BAZ1A: variants seen among roughly 807,000 people sequenced by gnomAD.
BAZ1A encodes the protein bromodomain adjacent to zinc finger domain 1A.
In BAZ1A, 50 loss-of-function variants were observed where a neutral mutation model predicts 185.2. That is an observed-to-expected ratio of 0.27 (90% confidence interval 0.22 to 0.34). The LOEUF is 0.34. BAZ1A is among the 10% of genes least tolerant of loss of function. BAZ1A has a pLI of 1.00. For synonymous variants in BAZ1A, 571 were observed against 615.6 expected, an observed-to-expected ratio of 0.93 and a Z score of 1.07; for missense variants, 1,356 against 1,839.9, an observed-to-expected ratio of 0.74 and a Z score of 4.81.
chr14:34,809,080 T>C (rs1389294078), intron 5 of BAZ1A, among the ~76,000 whole-genome samples: 1 of 152,162 alleles, frequency 6.6e-6, no homozygotes. Flanking sequence ...TTCATTTACA[T>C]TGTATTAGGT....
chr14:34,839,839 CAAA>C lies in BAZ1A; in HGVS notation c.393-13686_393-13684del, dbSNP rs60954768. Among the ~76,000 whole-genome samples, 103 of 106,666 alleles carry C rather than the reference CAAA, an allele frequency of 9.7e-4. 1 individual carries two copies. The highest frequency in any genetic ancestry group is 5.7e-3 in the Middle Eastern group (1 of 174). The allele number at this position is 106,666 out of a possible 152,430, so 70.0% of individuals were successfully genotyped here. A position where few individuals can be genotyped will look rare whatever the true frequency, so the allele number is the denominator to read the frequency against. On this transcript the variant is annotated intron_variant, in intron 3 of 26. Coordinates refer to ENST00000360310, the MANE Select transcript of BAZ1A (RefSeq NM_013448.3). The stretch of plus-strand genomic sequence containing the variant: ...TGGGCGACAAAGCGAGCCTCTGTTT[CAAA>C]AAAAAAAAAAAAAAAGGAAAAATGA...
At chr14:34,793,820 G>A (rs557536757) in intron 11 of BAZ1A, among the ~76,000 whole-genome samples, 16 of 152,336 alleles carry the variant, frequency 1.1e-4, no homozygotes, top group African/African-American at 3.6e-4. Context: ...ATGGGTGCCT[G>A]TAATTGCAGC....
At chr14:34,840,312 G>GT (rs1465510405) in intron 3 of BAZ1A, among the ~76,000 whole-genome samples, 1 of 152,020 alleles carries the variant, frequency 6.6e-6, no homozygotes, top group Non-Finnish European at 1.5e-5. Context: ...AAAAATCCCT[G>GT]TTTTTTCAGA....
At chr14:34,863,534 T>C (rs975813378) in intron 2 of BAZ1A, among the ~76,000 whole-genome samples, 2 of 151,626 alleles carry the variant, frequency 1.3e-5, no homozygotes, top group African/African-American at 4.8e-5. Context: ...TCTCGAACTC[T>C]TGACCTTGTG....
chr14:34,764,693 A>G lies in BAZ1A; in HGVS notation c.3776+14T>C, dbSNP rs1385975655. On this transcript the variant is annotated intron_variant, in intron 23 of 26. Coordinates refer to ENST00000360310, the MANE Select transcript of BAZ1A (RefSeq NM_013448.3). The stretch of plus-strand genomic sequence containing the variant: ...AAGACTTACTGACTCATTTTATTGC[A>G]TGTTAGGACTTACCTGACTTCTTCC... The G allele has an allele frequency of 6.3e-7, 1 of 1,585,218 alleles. No individual in the cohort carries two copies. Among genetic ancestry groups the G allele is most frequent in the Non-Finnish European group, 8.6e-7 (1 of 1,164,464 alleles).
intron 15 of BAZ1A, 92 bp downstream of exon 15, chr14:34,783,670 G>T: frequency 6.8e-7 from 1 of 1,478,978 alleles, no homozygotes. Flanking sequence ...TCAGTATAAT[G>T]AATGCCACAT....
At position 34,874,341 on chromosome 14, in the gene BAZ1A, CAGGAGGCA is replaced by C. The variant is rs2043005646; in HGVS notation, c.113+143_113+150del. 8 of 716,038 alleles carry C rather than the reference CAGGAGGCA, an allele frequency of 1.1e-5. No homozygotes were observed. The highest frequency in any genetic ancestry group is 1.9e-5 in the Non-Finnish European group (8 of 430,304). 44.4% of individuals were successfully genotyped at this position (716,038 alleles called of 1,614,324 possible). A position where few individuals can be genotyped will look rare whatever the true frequency, so the allele number is the denominator to read the frequency against. ...CCCCGCGCGTTCTCCAGGTGGAGGC[CAGGAGGCA>C]GAGAACCGCGGGCCCGGGGGCCACC... On this transcript the variant is annotated intron_variant, in intron 2 of 26. Coordinates refer to ENST00000360310, the MANE Select transcript of BAZ1A (RefSeq NM_013448.3). This position sits in a 1 kb window ranked among gnomAD's most constrained non-coding sequence, Gnocchi z 4.7.
In BAZ1A at chr14:34,870,839, G is replaced by A. The variant is rs189283948; in HGVS notation, c.113+3653C>T. 2.4e-4 allele frequency among the ~76,000 whole-genome samples: 37 copies of A among 152,296 alleles called. 1 individual carries two copies. The highest frequency in any genetic ancestry group is 7.9e-4 in the African/African-American group (33 of 41,568). ...CCCACCCCAACTTGTTTCCTCACCT[G>A]TAAAAGGAGGCTGTTGAAAGGACTG... On this transcript the variant is annotated intron_variant, in intron 2 of 26. Transcript: ENST00000360310.
intron 3 of BAZ1A, among the ~76,000 whole-genome samples, chr14:34,835,971 G>A (rs1277848975): frequency 6.6e-6 from 1 of 151,698 alleles, no homozygotes; most frequent in African/African-American, 2.4e-5. Context: ...CGCCCAGCTG[G>A]AAATAGCTTT....
Position 34,773,555 on chromosome 14 carries a change from GA to G in BAZ1A, c.3152+16del. 6.6e-7 allele frequency: 1 copy of G among 1,508,370 alleles called. No homozygotes were observed. The highest frequency in any genetic ancestry group is 1.3e-5 in the South Asian group (1 of 79,540). The allele number at this position is 1,508,370 out of a possible 1,614,324, so 93.4% of individuals were successfully genotyped here. ...GCAAGGAAAAGTAATGGTTACTTTA[GA>G]AAAATCTTTTTGTACCTGTCTTTTA... is the stretch of plus-strand genomic sequence containing the variant. On this transcript the variant is annotated intron_variant, in intron 20 of 26. Coordinates refer to ENST00000360310, the MANE Select transcript of BAZ1A (RefSeq NM_013448.3).
At chr14:34,804,459 A>G (rs752818287) in intron 6 of BAZ1A, among the ~76,000 whole-genome samples, 13 of 152,220 alleles carry the variant, frequency 8.5e-5, no homozygotes, top group Non-Finnish European at 1.8e-4. Flanking sequence ...ATAATGACAC[A>G]AAATACAAAA....
chr14:34,839,007 CTG>C (rs2042371791), intron 3 of BAZ1A, among the ~76,000 whole-genome samples: 1 of 152,118 alleles, frequency 6.6e-6, no homozygotes, highest in South Asian at 2.1e-4. Context: ...AATGATGACA[CTG>C]TAGTATTGGT....
chr14:34,787,685 AAAAAC>A (rs1268662057), intron 12 of BAZ1A, among the ~76,000 whole-genome samples: 1 of 152,220 alleles, frequency 6.6e-6, no homozygotes, highest in African/African-American at 2.4e-5. Context: ...TCCGTCTCAA[AAAAAC>A]AAAACAAAAC....
Position 34,807,503 on chromosome 14 carries a change from T to A in BAZ1A, c.674A>T (p.Lys225Met). ...RKHLFSRDKL[K>M]LFLKQHCEPQ... The stretch of plus-strand genomic sequence containing the variant: ...TTCACAGTGTTGCTTCAGAAAAAGC[T>A]TTAGTTTATCACGAGAAAATAGGTG... The change falls in exon 6 of 27, where the codon AAG (lysine) becomes ATG (methionine). Residue 225 changes from lysine (K) to methionine (M), a missense_variant. Lys to Met is a moderately conservative substitution (Grantham distance 95, BLOSUM62 -1). Transcript: ENST00000360310. 6.2e-7 allele frequency: 1 copy of A among 1,613,150 alleles called. No individual in the cohort carries two copies. Among genetic ancestry groups the A allele is most frequent in the Non-Finnish European group, 8.5e-7 (1 of 1,179,438 alleles).
chr14:34,841,304 T>C (rs982636808), intron 3 of BAZ1A, among the ~76,000 whole-genome samples: 3 of 152,230 alleles, frequency 2.0e-5, no homozygotes, highest in African/African-American at 7.2e-5. Context: ...AAATTATTAA[T>C]GTAGGGCTAA....
At chr14:34,810,869 C>A (rs1479582799) in intron 5 of BAZ1A, 66 bp downstream of exon 5, 10 of 1,147,040 alleles carry the variant, frequency 8.7e-6, no homozygotes, top group Middle Eastern at 1.9e-4. Flanking sequence ...CTACATCAGA[C>A]CTTCTTAATC....
intron 3 of BAZ1A, among the ~76,000 whole-genome samples, chr14:34,849,203 T>C (rs1173189182): frequency 2.6e-5 from 4 of 152,166 alleles, no homozygotes; most frequent in East Asian, 1.9e-4. Flanking sequence ...AGCAGAAGGA[T>C]TGCTTGAGCC....
rs1169898129 is a variant in BAZ1A at position 34,765,464 on chromosome 14, TA to T, written c.3302-197del. Among the ~76,000 whole-genome samples, 6 of 152,354 alleles carry T rather than the reference TA, an allele frequency of 3.9e-5. No homozygotes were observed. The East Asian group carries it at 9.6e-4, about 24-fold the overall frequency. The stretch of plus-strand genomic sequence containing the variant: ...GCTGAGCCGCATCTCGTTTATGACA[TA>T]AGGAATTACTTAAATTCATAAATCA... On this transcript the variant is annotated intron_variant, in intron 21 of 26. Coordinates refer to ENST00000360310, the MANE Select transcript of BAZ1A (RefSeq NM_013448.3).
intron 24 of BAZ1A, 101 bp downstream of exon 24, chr14:34,761,656 T>C (rs1477399123): frequency 1.9e-6 from 2 of 1,047,726 alleles, no homozygotes; most frequent in Non-Finnish European, 2.8e-6. Context: ...TTTGTGTATC[T>C]TAGTGACAGA....
Sources: allele counts gnomAD v4.1 joint callset (sites outside exome capture counted in the v4.1 genomes callset), GRCh38; gene constraint gnomAD v4.1.1; non-coding constraint Gnocchi (gnomAD v3.1); transcripts MANE v1.5; gene names NCBI Gene and HGNC (gene_info 2026-07-23, HGNC 2026-07-21).